Variants in COX7B2 observed in about 807,000 individuals in gnomAD.
COX7B2 encodes the protein cytochrome c oxidase subunit 7B2, also known as cytochrome c oxidase subunit 7B2, mitochondrial.
For missense variants in COX7B2, 109 were observed against 95.9 expected, an observed-to-expected ratio of 1.14 and a Z score of -0.57; for synonymous variants, 37 against 32.1, an observed-to-expected ratio of 1.15 and a Z score of -0.51.
At chr4:46,799,877 A>C (rs1056748910) in intron 2 of COX7B2, among the ~76,000 whole-genome samples, 4 of 152,158 alleles carry the variant, frequency 2.6e-5, no homozygotes, top group Non-Finnish European at 4.4e-5. Context: ...TAAGTTAGGG[A>C]GGAGTCCCTT....
intron 2 of COX7B2, among the ~76,000 whole-genome samples, chr4:46,759,144 C>T (rs752553459): frequency 1.8e-4 from 27 of 152,012 alleles, no homozygotes; most frequent in Admixed American, 3.3e-4. Flanking sequence ...ACTTCTATCC[C>T]AGATCTCAGA....
chr4:46,797,092 T>TA (rs762801656), intron 2 of COX7B2, among the ~76,000 whole-genome samples: 1,117 of 62,430 alleles, frequency 0.018, 79 homozygotes, highest in African/African-American at 0.057. Context: ...TAGAGTATAA[T>TA]AAAAAAAAAA....
intron 1 of COX7B2, among the ~76,000 whole-genome samples, chr4:46,893,749 A>G (rs1222154384): frequency 2.0e-5 from 3 of 152,224 alleles, no homozygotes; most frequent in Non-Finnish European, 4.4e-5. Flanking sequence ...CTTCTTTAAA[A>G]AAGTCAAAAT....
chr4:46,786,947 G>T (rs539381921), intron 2 of COX7B2, among the ~76,000 whole-genome samples: 6 of 152,238 alleles, frequency 3.9e-5, no homozygotes, highest in African/African-American at 1.4e-4. Flanking sequence ...AGAGTTCCTG[G>T]ACTTCCAGGG....
At chr4:46,847,897 T>C (rs1204149155) in intron 1 of COX7B2, among the ~76,000 whole-genome samples, 1 of 151,998 alleles carries the variant, frequency 6.6e-6, no homozygotes, top group Non-Finnish European at 1.5e-5. Flanking sequence ...CACTCCAGCC[T>C]CAAGGTCCTC....
chr4:46,778,721 T>C (rs1317004213), intron 2 of COX7B2, among the ~76,000 whole-genome samples: 1 of 152,184 alleles, frequency 6.6e-6, no homozygotes, highest in Non-Finnish European at 1.5e-5. Flanking sequence ...TAATTTGATA[T>C]ATCAATTAGT....
intron 2 of COX7B2, among the ~76,000 whole-genome samples, chr4:46,763,458 A>G (rs1370676387): frequency 3.3e-5 from 5 of 151,630 alleles, no homozygotes; most frequent in Non-Finnish European, 5.9e-5. Flanking sequence ...ATTTCTTTGA[A>G]ACATTTTCCA....
chr4:46,856,575 G>C (rs746185903), intron 1 of COX7B2, among the ~76,000 whole-genome samples: 1 of 152,082 alleles, frequency 6.6e-6, no homozygotes, highest in Non-Finnish European at 1.5e-5. Context: ...GATATAACTT[G>C]AGCCAAAAAT....
intron 2 of COX7B2, among the ~76,000 whole-genome samples, chr4:46,818,951 T>C (rs1337847270): frequency 3.9e-5 from 6 of 152,232 alleles, no homozygotes; most frequent in African/African-American, 1.4e-4. Flanking sequence ...TTTCTACTTA[T>C]TACAGTGTAT....
At chr4:46,829,641 G>A (rs1286192609) in intron 2 of COX7B2, among the ~76,000 whole-genome samples, 3 of 152,134 alleles carry the variant, frequency 2.0e-5, no homozygotes, top group African/African-American at 7.2e-5. Flanking sequence ...TATTAAAGAA[G>A]GGGATCAGAG....
chr4:46,741,665 A>T (rs1377588024), intron 2 of COX7B2, among the ~76,000 whole-genome samples: 1 of 152,104 alleles, frequency 6.6e-6, no homozygotes, highest in Non-Finnish European at 1.5e-5. Flanking sequence ...TAAATGGTTT[A>T]TGATACAACT....
intron 1 of COX7B2, among the ~76,000 whole-genome samples, chr4:46,864,863 C>CTCCA (rs1349404861): frequency 6.6e-6 from 1 of 152,106 alleles, no homozygotes; most frequent in Non-Finnish European, 1.5e-5. Context: ...CCAGGATGGT[C>CTCCA]TCCATCTCCT....
chr4:46,740,526 A>C (rs1436654989), intron 2 of COX7B2, among the ~76,000 whole-genome samples: 1 of 152,138 alleles, frequency 6.6e-6, no homozygotes, highest in East Asian at 1.9e-4. Flanking sequence ...AGAAGATTCC[A>C]AACGTAACTC....
intron 2 of COX7B2, among the ~76,000 whole-genome samples, chr4:46,743,078 T>TA (rs1229752557): frequency 6.6e-6 from 1 of 152,168 alleles, no homozygotes; most frequent in Non-Finnish European, 1.5e-5. Flanking sequence ...AACAGTGGCA[T>TA]ACAGGTTGAA....
intron 1 of COX7B2, among the ~76,000 whole-genome samples, chr4:46,904,796 G>C (rs1027673418): frequency 6.6e-6 from 1 of 151,968 alleles, no homozygotes; most frequent in African/African-American, 2.4e-5. Context: ...AAAACATGCA[G>C]TTGACTGAAA....
At chr4:46,757,196 A>G (rs561062812) in intron 2 of COX7B2, among the ~76,000 whole-genome samples, 48 of 152,142 alleles carry the variant, frequency 3.2e-4, no homozygotes, top group Middle Eastern at 3.4e-3. Context: ...TCCTCAGTGA[A>G]ATAACTTAGA....
intron 1 of COX7B2, among the ~76,000 whole-genome samples, chr4:46,881,335 C>G (rs1718727446): frequency 6.6e-6 from 1 of 152,168 alleles, no homozygotes; most frequent in South Asian, 2.1e-4. Context: ...AAGACTCAAA[C>G]CAGGGAGGGA....
chr4:46,762,171 A>G (rs183281747), intron 2 of COX7B2, among the ~76,000 whole-genome samples: 2 of 146,642 alleles, frequency 1.4e-5, no homozygotes, highest in Admixed American at 7.0e-5. Flanking sequence ...TAGTCTAAAC[A>G]GAAAACAAAA....
At chr4:46,776,393 AGTGTGTGT>A (rs34113475) in intron 2 of COX7B2, among the ~76,000 whole-genome samples, 32 of 146,632 alleles carry the variant, frequency 2.2e-4, no homozygotes, top group East Asian at 4.0e-4. Context: ...GTAGTTTCAG[AGTGTGTGT>A]GTGTGTGTGT....
Sources: gnomAD v4.1 joint callset for allele counts (sites outside exome capture counted in the v4.1 genomes callset) on GRCh38, gnomAD v4.1.1 for gene constraint, MANE v1.5 for transcripts, NCBI Gene and HGNC (gene_info 2026-07-23, HGNC 2026-07-21) for gene names.